DENND1A: variants seen among roughly 807,000 people sequenced by gnomAD.
DENND1A encodes DENN domain containing 1A.
A neutral mutation model predicts 113.7 loss-of-function variants in DENND1A; 51 were observed. That is an observed-to-expected ratio of 0.45 (90% CI 0.36 to 0.57). The LOEUF is 0.57. DENND1A is among the 20% of genes least tolerant of loss of function. DENND1A has a pLI of 0.00. For missense variants in DENND1A, 1,258 were observed against 1,395.9 expected, an observed-to-expected ratio of 0.90 and a Z score of 1.57; for synonymous variants, 565 against 570.8, an observed-to-expected ratio of 0.99 and a Z score of 0.14.
intron 21 of DENND1A, among the ~76,000 whole-genome samples, chr9:123,395,002 G>A (rs2043041866): frequency 6.6e-6 from 1 of 152,236 alleles, no homozygotes; most frequent in Admixed American, 6.5e-5. Flanking sequence ...GCTCCCTCAT[G>A]GCTGAATGCC....
intron 2 of DENND1A, among the ~76,000 whole-genome samples, chr9:123,814,774 C>T (rs1362158347): frequency 1.3e-5 from 2 of 152,288 alleles, no homozygotes; most frequent in South Asian, 2.1e-4. Context: ...CAGAGAACAA[C>T]CACTTCTTTA....
At chr9:123,440,291 T>A in intron 19 of DENND1A, 69 bp downstream of exon 19, 1 of 1,505,600 alleles carries the variant, frequency 6.6e-7, no homozygotes, top group Non-Finnish European at 8.8e-7. Context: ...CTGCTGCATG[T>A]GCTACTGCTG....
At chr9:123,879,096 A>T (rs1564434318) in intron 1 of DENND1A, 75 bp from the exon 2 acceptor site, 1 of 1,431,488 alleles carries the variant, frequency 7.0e-7, no homozygotes, top group South Asian at 1.2e-5. Flanking sequence ...CTATGGTATT[A>T]AACAGATCTT....
Position 123,929,986 on chromosome 9 carries a change from C to CT in DENND1A, c.-82dup, listed in dbSNP as rs1199057102. 1 of 273,374 alleles carries CT rather than the reference C, an allele frequency of 3.7e-6. No homozygotes were observed. The highest frequency in any genetic ancestry group is 6.4e-5 in the East Asian group (1 of 15,556). The allele number at this position is 273,374 out of a possible 1,614,324, so 16.9% of individuals were successfully genotyped here. A position where few individuals can be genotyped will look rare whatever the true frequency, so the allele number is the denominator to read the frequency against. On this transcript the variant is annotated 5_prime_UTR_variant, in exon 1 of 24. Transcript: ENST00000394215. ...CCGCCCGCGGCCGACCGGCCTCCCTCTGGCGCTCTCCCCGCCCCTTCCTCC... is the reference window on the plus strand; with the variant it reads ...CCGCCCGCGGCCGACCGGCCTCCCTCTTGGCGCTCTCCCCGCCCCTTCCTCC...
At chr9:123,407,691 G>C (rs989246312) in intron 20 of DENND1A, among the ~76,000 whole-genome samples, 1 of 152,154 alleles carries the variant, frequency 6.6e-6, no homozygotes, top group African/African-American at 2.4e-5. Flanking sequence ...CCGCGTCCGG[G>C]GAGAAAATGC....
chr9:123,691,189 T>C (rs1392062147), intron 5 of DENND1A, among the ~76,000 whole-genome samples: 1 of 152,204 alleles, frequency 6.6e-6, no homozygotes, highest in Non-Finnish European at 1.5e-5. Flanking sequence ...TAAGCATAAA[T>C]GTGTGCCAGC....
chr9:123,479,652 C>A (rs553587693), intron 13 of DENND1A, among the ~76,000 whole-genome samples: 17 of 152,328 alleles, frequency 1.1e-4, no homozygotes, highest in African/African-American at 4.1e-4. Flanking sequence ...AGAAGTGGCC[C>A]CAAGAGAGCA....
chr9:123,872,096 G>C (rs957954874), intron 2 of DENND1A, among the ~76,000 whole-genome samples: 14 of 152,108 alleles, frequency 9.2e-5, no homozygotes, highest in Non-Finnish European at 1.5e-5. Flanking sequence ...TAACTGTCTT[G>C]ATTTTCTGGG....
intron 5 of DENND1A, among the ~76,000 whole-genome samples, chr9:123,717,584 A>G (rs2067059734): frequency 6.6e-6 from 1 of 152,246 alleles, no homozygotes; most frequent in Non-Finnish European, 1.5e-5. Context: ...TATTCTAATT[A>G]TACTACACAA....
intron 10 of DENND1A, among the ~76,000 whole-genome samples, chr9:123,609,870 G>A (rs540201942): frequency 1.3e-5 from 2 of 152,320 alleles, no homozygotes; most frequent in East Asian, 3.9e-4. Context: ...AGATGGGAAC[G>A]ATTATTGCCA....
chr9:123,700,824 T>C (rs550039267), intron 5 of DENND1A, among the ~76,000 whole-genome samples: 2 of 152,336 alleles, frequency 1.3e-5, no homozygotes, highest in African/African-American at 4.8e-5. Context: ...CAACATGGAA[T>C]CCTTGAATCC....
At chr9:123,470,787 G>A (rs2049350040) in intron 13 of DENND1A, among the ~76,000 whole-genome samples, 1 of 152,178 alleles carries the variant, frequency 6.6e-6, no homozygotes, top group African/African-American at 2.4e-5. Context: ...GGTGCTCTGT[G>A]GCACTGTCCA....
At chr9:123,840,672 A>G (rs1446069523) in intron 2 of DENND1A, among the ~76,000 whole-genome samples, 3 of 152,194 alleles carry the variant, frequency 2.0e-5, no homozygotes, top group African/African-American at 4.8e-5. Context: ...AAGAGTCGCC[A>G]TTATTATTAT....
intron 13 of DENND1A, among the ~76,000 whole-genome samples, chr9:123,553,032 G>A (rs946791562): frequency 6.6e-6 from 1 of 152,182 alleles, no homozygotes; most frequent in African/African-American, 2.4e-5. Context: ...TGGGGCTGAA[G>A]GATCACTCGA....
At position 123,386,954 on chromosome 9, in the gene DENND1A, C is replaced by T. The variant is rs142027303; in HGVS notation, c.1760+776G>A. 5.2e-4 allele frequency among the ~76,000 whole-genome samples: 79 copies of T among 152,336 alleles called. 2 individuals carry two copies. In the East Asian group the frequency reaches 0.011, roughly 22 times the overall value. ...TCTCTCTTCTGTGCAATGACCAAAA[C>T]GATTAACGTGCCCCCTGGAAGGTTG... On this transcript the variant is annotated intron_variant, in intron 22 of 23. Transcript: ENST00000394215.
At chr9:123,631,948 CT>C (rs1235080954) in intron 9 of DENND1A, among the ~76,000 whole-genome samples, 2 of 152,134 alleles carry the variant, frequency 1.3e-5, no homozygotes, top group Non-Finnish European at 1.5e-5. Context: ...TTCTTTCTGT[CT>C]TTTTTTCTTT....
chr9:123,636,270 C>T (rs1464242993), intron 9 of DENND1A, among the ~76,000 whole-genome samples: 2 of 152,066 alleles, frequency 1.3e-5, no homozygotes, highest in Non-Finnish European at 2.9e-5. Context: ...ACCAGGAACA[C>T]GACGGCTATG....
At chr9:123,927,487 T>TACTGAGTTTTTAACATGG (rs1414958479) in intron 1 of DENND1A, among the ~76,000 whole-genome samples, 1 of 152,178 alleles carries the variant, frequency 6.6e-6, no homozygotes, top group African/African-American at 2.4e-5. Context: ...ACCTAACAAT[T>TACTGAGTTTTTAACATGG]ACTGAGTTTT....
chr9:123,613,658 C>T lies in DENND1A; in HGVS notation c.720-4177G>A, dbSNP rs111892719. 1.8e-4 allele frequency among the ~76,000 whole-genome samples: 27 copies of T among 152,274 alleles called. 1 individual carries two copies. Among genetic ancestry groups the T allele is most frequent in the East Asian group, 1.5e-3 (8 of 5,186 alleles). ...AGTGCAATTTTGAAGACATTTTAAA[C>T]GGCAATTAAACAACATGTGCAGAAC... On this transcript the variant is annotated intron_variant, in intron 10 of 23. Transcript: ENST00000394215.
Sources: allele counts gnomAD v4.1 joint callset (sites outside exome capture counted in the v4.1 genomes callset), GRCh38; gene constraint gnomAD v4.1.1; transcripts MANE v1.5; gene names NCBI Gene and HGNC (gene_info 2026-07-23, HGNC 2026-07-21).